KCNH1: variants seen among roughly 807,000 people sequenced by gnomAD.
KCNH1 encodes potassium voltage-gated channel subfamily H member 1.
In KCNH1, 27 loss-of-function variants were observed where a neutral mutation model predicts 69.2. The ratio of observed to expected loss-of-function variants is 0.39; its 90% CI spans 0.29 to 0.54. KCNH1 has a LOEUF of 0.54. Ranked by LOEUF, KCNH1 falls within the 20% of genes least tolerant of loss-of-function variation. The probability of loss-of-function intolerance (pLI) is 0.68; values close to 1 mark genes in which losing one functional copy is unlikely to be tolerated. For missense variants in KCNH1, 798 were observed against 1,261.6 expected (o/e 0.63, Z 5.57); for synonymous variants, 456 against 487.7 (o/e 0.93, Z 0.86).
At chr1:210,688,291 T>C (rs553326245) in intron 10 of KCNH1, among the ~76,000 whole-genome samples, 2 of 152,212 alleles carry the variant, frequency 1.3e-5, no homozygotes, top group Non-Finnish European at 1.5e-5. Flanking sequence ...GGTCAGTTGT[T>C]TCCTGTTCCA....
intron 7 of KCNH1, among the ~76,000 whole-genome samples, chr1:210,911,067 A>G (rs555422467): frequency 6.6e-6 from 1 of 152,226 alleles, no homozygotes; most frequent in South Asian, 2.1e-4. Flanking sequence ...CTCTTCCTCC[A>G]TTCATTCTAT....
chr1:210,840,213 T>G (rs1448524489), intron 7 of KCNH1, among the ~76,000 whole-genome samples: 1 of 152,198 alleles, frequency 6.6e-6, no homozygotes, highest in Non-Finnish European at 1.5e-5. Flanking sequence ...TGGAGCTGTT[T>G]TGTTTGTTGC....
At chr1:210,930,182 C>A (rs570273542) in intron 6 of KCNH1, among the ~76,000 whole-genome samples, 1 of 152,206 alleles carries the variant, frequency 6.6e-6, no homozygotes, top group African/African-American at 2.4e-5. Context: ...AAAAAACAAT[C>A]CTAAAATTCT....
At chr1:210,724,855 C>G (rs1021029075) in intron 10 of KCNH1, among the ~76,000 whole-genome samples, 6 of 152,142 alleles carry the variant, frequency 3.9e-5, no homozygotes, top group Non-Finnish European at 7.4e-5. Flanking sequence ...GTTAATAGTC[C>G]TCATTTTCTA....
chr1:211,045,566 T>C (rs369427017), intron 5 of KCNH1, among the ~76,000 whole-genome samples: 3 of 152,332 alleles, frequency 2.0e-5, no homozygotes, highest in East Asian at 3.9e-4. Context: ...GCCTATTTAA[T>C]GTATACAACT....
intron 10 of KCNH1, among the ~76,000 whole-genome samples, chr1:210,716,694 G>T (rs1388930997): frequency 1.3e-5 from 2 of 152,102 alleles, no homozygotes; most frequent in Non-Finnish European, 1.5e-5. Context: ...AGGCTCTATT[G>T]GTTGTGATGA....
chr1:210,826,856 C>T (rs1050579049), intron 7 of KCNH1, among the ~76,000 whole-genome samples: 29 of 152,340 alleles, frequency 1.9e-4, no homozygotes, highest in African/African-American at 7.0e-4. Context: ...CCCCTCCTAT[C>T]CAGGCTGTGC....
At chr1:210,964,156 T>C (rs967722565) in intron 6 of KCNH1, among the ~76,000 whole-genome samples, 1 of 152,042 alleles carries the variant, frequency 6.6e-6, no homozygotes, top group Non-Finnish European at 1.5e-5. Context: ...AGAAAATAAT[T>C]TTCAACCCAG....
intron 6 of KCNH1, among the ~76,000 whole-genome samples, chr1:210,924,959 A>T (rs1687538071): frequency 6.6e-6 from 1 of 152,176 alleles, no homozygotes; most frequent in Non-Finnish European, 1.5e-5. Context: ...ATTAAAGCCA[A>T]AGTACCCTAC....
intron 7 of KCNH1, among the ~76,000 whole-genome samples, chr1:210,866,429 T>A (rs1379149925): frequency 6.6e-6 from 1 of 151,874 alleles, no homozygotes; most frequent in African/African-American, 2.4e-5. Context: ...AGTGAAAAAA[T>A]AACCCAATTA....
chr1:211,070,641 T>C (rs1690625000), intron 5 of KCNH1, among the ~76,000 whole-genome samples: 1 of 151,334 alleles, frequency 6.6e-6, no homozygotes, highest in African/African-American at 2.4e-5. Context: ...CCGGCCAACA[T>C]GGCGAAACCC....
intron 5 of KCNH1, among the ~76,000 whole-genome samples, 192 bp downstream of exon 5, chr1:211,082,588 G>A (rs1018227770): frequency 2.0e-5 from 3 of 152,146 alleles, no homozygotes; most frequent in Admixed American, 2.0e-4. Context: ...TTGCACATGG[G>A]AAAGTGTAAA....
At chr1:210,962,360 G>C (rs1252288716) in intron 6 of KCNH1, among the ~76,000 whole-genome samples, 1 of 152,050 alleles carries the variant, frequency 6.6e-6, no homozygotes, top group Non-Finnish European at 1.5e-5. Context: ...CAGGAGGATG[G>C]GTCCCTATTA....
At chr1:210,757,572 C>T (rs977083476) in intron 10 of KCNH1, among the ~76,000 whole-genome samples, 1 of 152,218 alleles carries the variant, frequency 6.6e-6, no homozygotes, top group Non-Finnish European at 1.5e-5. Flanking sequence ...AATCTCCAGT[C>T]AAGCTGGCCA....
At chr1:211,125,494 C>G (rs1691761679) in intron 1 of KCNH1, among the ~76,000 whole-genome samples, 1 of 152,234 alleles carries the variant, frequency 6.6e-6, no homozygotes, top group African/African-American at 2.4e-5. Context: ...TCTTATCACT[C>G]AAATTAACTC....
At chr1:210,999,799 C>T (rs187655012) in intron 6 of KCNH1, among the ~76,000 whole-genome samples, 46 of 152,254 alleles carry the variant, frequency 3.0e-4, no homozygotes, top group Admixed American at 9.1e-4. Context: ...AGCAGCACAT[C>T]AAAAAGCTTA....
At position 210,976,808 on chromosome 1, in the gene KCNH1, A is replaced by G. The variant is rs1206993949; in HGVS notation, c.1032+41975T>C. Among the ~76,000 whole-genome samples the G allele has an allele frequency of 4.0e-5, 6 of 149,604 alleles. 1 individual carries two copies. Among genetic ancestry groups the G allele is most frequent in the Non-Finnish European group, 8.9e-5 (6 of 67,188 alleles). On this transcript the variant is annotated intron_variant, in intron 6 of 10. Transcript: ENST00000271751. Reference sequence around the variant, plus strand: ...GATTATTAAAAAGTCAAGAAACAACAGGTGCTGGAGAGGATGTGGAGAAAT... The same window carrying G: ...GATTATTAAAAAGTCAAGAAACAACGGGTGCTGGAGAGGATGTGGAGAAAT...
chr1:210,897,001 A>C (rs893053481), intron 7 of KCNH1, among the ~76,000 whole-genome samples: 1 of 152,184 alleles, frequency 6.6e-6, no homozygotes, highest in African/African-American at 2.4e-5. Flanking sequence ...CTTGCCTGTG[A>C]CTGGCTTCAT....
intron 6 of KCNH1, among the ~76,000 whole-genome samples, chr1:211,000,904 A>C (rs542784243): frequency 1.2e-3 from 179 of 152,292 alleles, no homozygotes; most frequent in African/African-American, 4.1e-3. Context: ...CAAAAACAAG[A>C]AATGGGGAAA....
Sources: gnomAD v4.1 joint callset for allele counts (sites outside exome capture counted in the v4.1 genomes callset) on GRCh38, gnomAD v4.1.1 for gene constraint, MANE v1.5 for transcripts, NCBI Gene and HGNC (gene_info 2026-07-23, HGNC 2026-07-21) for gene names.